The following IGF1R variants were observed in gnomAD, a reference collection of about 807,000 sequenced individuals.
IGF1R encodes insulin like growth factor 1 receptor, also known as insulin-like growth factor 1 receptor.
In IGF1R, 44 loss-of-function variants were observed where a neutral mutation model predicts 144.6. The observed-to-expected ratio is 0.30, with a 90% CI of 0.24 to 0.39. The LOEUF (loss-of-function observed/expected upper bound fraction) is 0.39, where lower values mean the gene tolerates loss of function less well. Among genes scored for constraint, IGF1R ranks in the 10% least tolerant of loss-of-function variants. The probability of loss-of-function intolerance (pLI) is 1.00; values close to 1 mark genes in which losing one functional copy is unlikely to be tolerated. For synonymous variants in IGF1R, 795 were observed against 722.8 expected, an observed-to-expected ratio of 1.10 and a Z score of -1.60; for missense variants, 1,355 against 1,833.7, an observed-to-expected ratio of 0.74 and a Z score of 4.77.
intron 11 of IGF1R, 102 bp downstream of exon 11, chr15:98,922,533 T>C: frequency 7.2e-7 from 1 of 1,391,106 alleles, no homozygotes; most frequent in South Asian, 1.2e-5. Flanking sequence ...CCATGACCCT[T>C]AGACCCAGGC....
chr15:98,664,164 A>C (rs2052668652), intron 1 of IGF1R, among the ~76,000 whole-genome samples: 1 of 152,162 alleles, frequency 6.6e-6, no homozygotes, highest in East Asian at 1.9e-4. Flanking sequence ...AATCACGTTC[A>C]CCTGTTGGAG....
At chr15:98,836,322 A>T (rs1326065401) in intron 2 of IGF1R, among the ~76,000 whole-genome samples, 2 of 152,010 alleles carry the variant, frequency 1.3e-5, no homozygotes, top group Admixed American at 1.3e-4. Flanking sequence ...TAAAGCCAGG[A>T]GTTTGAGACC....
At chr15:98,687,962 G>T (rs1478705335) in intron 1 of IGF1R, among the ~76,000 whole-genome samples, 1 of 152,168 alleles carries the variant, frequency 6.6e-6, no homozygotes, top group Non-Finnish European at 1.5e-5. Flanking sequence ...CTGTGGAAAT[G>T]GGATACTTGG....
rs547747135 is a variant in IGF1R at position 98,725,870 on chromosome 15, A to ATT, written c.640+17763_640+17764insTT. Among the ~76,000 whole-genome samples the ATT allele has an allele frequency of 4.4e-3, 666 of 152,348 alleles. 17 individuals are homozygous for ATT. The highest frequency in any genetic ancestry group is 0.041 in the Admixed American group (623 of 15,290). ...AAGAAGCAAAAGTGGAAACCCTGAT[A>ATT]AACCCATCAGATCTCGTCAGACTTA... On this transcript the variant is annotated intron_variant, in intron 2 of 20. Coordinates refer to ENST00000650285, the MANE Select transcript of IGF1R (RefSeq NM_000875.5).
chr15:98,831,747 T>G (rs1262852890), intron 2 of IGF1R, among the ~76,000 whole-genome samples: 1 of 152,166 alleles, frequency 6.6e-6, no homozygotes, highest in African/African-American at 2.4e-5. Flanking sequence ...AATGAATATT[T>G]CCCTGAGACA....
chr15:98,761,790 AGGTCCT>A (rs1235168256), intron 2 of IGF1R, among the ~76,000 whole-genome samples: 1 of 152,196 alleles, frequency 6.6e-6, no homozygotes, highest in East Asian at 1.9e-4. Flanking sequence ...TTCAGTCCCT[AGGTCCT>A]CCATGATGGA....
intron 2 of IGF1R, among the ~76,000 whole-genome samples, chr15:98,738,531 G>GC (rs2054665183): frequency 6.6e-6 from 1 of 152,128 alleles, no homozygotes; most frequent in African/African-American, 2.4e-5. Context: ...GTGAGACTCT[G>GC]CCCCAAAGCA....
chr15:98,755,661 G>C (rs1307869036), intron 2 of IGF1R, among the ~76,000 whole-genome samples: 1 of 135,740 alleles, frequency 7.4e-6, no homozygotes, highest in African/African-American at 2.7e-5. Context: ...GGAGGTTGCA[G>C]TGAGCCTACA....
At chr15:98,819,531 G>T (rs1005768035) in intron 2 of IGF1R, among the ~76,000 whole-genome samples, 3 of 152,112 alleles carry the variant, frequency 2.0e-5, no homozygotes, top group Non-Finnish European at 4.4e-5. Flanking sequence ...CACTGAATCT[G>T]CCAGTGCCTT....
chr15:98,720,007 G>C (rs45579742), intron 2 of IGF1R, among the ~76,000 whole-genome samples: 36,776 of 152,092 alleles, frequency 0.24, 5,388 homozygotes, highest in South Asian at 0.34. Flanking sequence ...AAAGGTGAAT[G>C]GTTTATTATG....
chr15:98,733,531 G>T (rs1156739417), intron 2 of IGF1R, among the ~76,000 whole-genome samples: 1 of 151,102 alleles, frequency 6.6e-6, no homozygotes, highest in Non-Finnish European at 1.5e-5. Flanking sequence ...TGGTCCAGAC[G>T]AGGCCAGAGG....
At chr15:98,741,425 G>A (rs1225190749) in intron 2 of IGF1R, among the ~76,000 whole-genome samples, 1 of 151,982 alleles carries the variant, frequency 6.6e-6, no homozygotes, top group African/African-American at 2.4e-5. Flanking sequence ...TGCCTGATTT[G>A]TGCTTTTTCT....
intron 2 of IGF1R, among the ~76,000 whole-genome samples, chr15:98,836,028 C>T (rs567890646): frequency 6.6e-6 from 1 of 152,266 alleles, no homozygotes; most frequent in South Asian, 2.1e-4. Context: ...GTTCTTCCAT[C>T]ACTCTCCATT....
chr15:98,685,927 G>A (rs1030870686), intron 1 of IGF1R, among the ~76,000 whole-genome samples: 2 of 152,198 alleles, frequency 1.3e-5, no homozygotes. Flanking sequence ...TTAAATGTAC[G>A]AGTTCAGTGG....
intron 2 of IGF1R, among the ~76,000 whole-genome samples, chr15:98,828,755 AAT>A (rs1229092738): frequency 5.3e-5 from 8 of 149,870 alleles, no homozygotes; most frequent in Non-Finnish European, 1.2e-4. Context: ...TATTTATCCT[AAT>A]ATATTTGCTG....
chr15:98,713,052 T>TC (rs1283589878), intron 2 of IGF1R, among the ~76,000 whole-genome samples: 1 of 151,622 alleles, frequency 6.6e-6, no homozygotes, highest in African/African-American at 2.4e-5. Context: ...CATGTGCCAC[T>TC]CCCTCCCGCC....
chr15:98,888,480 G>C (rs1370782204), intron 2 of IGF1R, among the ~76,000 whole-genome samples: 3 of 146,702 alleles, frequency 2.0e-5, no homozygotes, highest in African/African-American at 7.6e-5. Context: ...CAGAAAATAT[G>C]CTAGGTTTGT....
Position 98,957,605 on chromosome 15 carries a change from A to C in IGF1R, c.*163A>C. 1 of 802,128 alleles carries C rather than the reference A, an allele frequency of 1.2e-6. No individual in the cohort carries two copies. Among genetic ancestry groups the C allele is most frequent in the African/African-American group, 1.7e-5 (1 of 58,358 alleles). The allele number at this position is 802,128 out of a possible 1,614,324, so 49.7% of individuals were successfully genotyped here. On this transcript the variant is annotated 3_prime_UTR_variant, in exon 21 of 21. Transcript: ENST00000650285. Reference sequence around the variant, plus strand: ...GGAGACAGCTTCTCTGCAGTAAAACACATTTGGGATGTTCCTTTTTTCAAT... The same window carrying C: ...GGAGACAGCTTCTCTGCAGTAAAACCCATTTGGGATGTTCCTTTTTTCAAT...
intron 2 of IGF1R, among the ~76,000 whole-genome samples, chr15:98,852,605 C>G (rs8035410): frequency 0.099 from 15,125 of 152,094 alleles, 1,051 homozygotes; most frequent in Non-Finnish European, 0.16. Flanking sequence ...GTGTTCCCCC[C>G]ACTAAGAAAG....
Sources: allele counts gnomAD v4.1 joint callset (sites outside exome capture counted in the v4.1 genomes callset), GRCh38; gene constraint gnomAD v4.1.1; transcripts MANE v1.5; gene names NCBI Gene and HGNC (gene_info 2026-07-23, HGNC 2026-07-21).